The following UGT2B15 variants were observed in gnomAD, a reference collection of about 807,000 sequenced individuals.
UGT2B15 encodes the protein UDP-glucuronosyltransferase 2B15.
Under a neutral mutation model 45.9 loss-of-function variants are expected in UGT2B15, and 36 were observed. The ratio of observed to expected loss-of-function variants is 0.78; its 90% confidence interval spans 0.60 to 1.04. UGT2B15 has a LOEUF of 1.04. Among genes scored for constraint, UGT2B15 ranks in the 50% least tolerant of loss-of-function variants. UGT2B15 has a pLI of 0.00. For missense variants in UGT2B15, 617 were observed against 622.4 expected (o/e 0.99, Z 0.09); for synonymous variants, 219 against 216.4 (o/e 1.01, Z -0.11).
In UGT2B15 at chr4:68,654,321, A is replaced by C. The variant is rs554090791; in HGVS notation, c.1094-65T>G. 8.9e-4 allele frequency: 1,384 copies of C among 1,550,114 alleles called. 8 individuals carry two copies. The highest frequency in any genetic ancestry group is 1.1e-3 in the Non-Finnish European group (1,293 of 1,138,060). Reference sequence around the variant, plus strand: ...GGTATGAGAATTGAATAAGAAATGCACAATATAAGGAACTTAAAGCAAAAC... The same window carrying C: ...GGTATGAGAATTGAATAAGAAATGCCCAATATAAGGAACTTAAAGCAAAAC... On this transcript the variant is annotated intron_variant, in intron 4 of 5. Coordinates refer to ENST00000338206, the MANE Select transcript of UGT2B15 (RefSeq NM_001076.4).
intron 3 of UGT2B15, 29 bp from the exon 4 acceptor site, chr4:68,655,211 A>C: frequency 4.4e-6 from 7 of 1,607,158 alleles, no homozygotes; most frequent in South Asian, 1.1e-5. Context: ...TATCTTGTTC[A>C]ATGAATAGAA....
chr4:68,647,992 C>A (rs1425503737), intron 5 of UGT2B15, among the ~76,000 whole-genome samples: 2 of 151,900 alleles, frequency 1.3e-5, no homozygotes, highest in African/African-American at 2.4e-5. Context: ...AAAGTGTTGG[C>A]CCTACAGACA....
intron 2 of UGT2B15, among the ~76,000 whole-genome samples, chr4:68,665,076 T>C (rs894306559): frequency 1.3e-5 from 2 of 152,152 alleles, no homozygotes; most frequent in African/African-American, 4.8e-5. Context: ...CTGATCTCAT[T>C]CTGTGATGTC....
rs150650497 is a variant in UGT2B15, at chr4:68,654,689, T to C, written c.1093+406A>G. Reference sequence around the variant, plus strand: ...ATTTTATCATGATAAAGATTGGTTATTTATTCCCATAAAAAGTAGAGTCAC... The same window carrying C: ...ATTTTATCATGATAAAGATTGGTTACTTATTCCCATAAAAAGTAGAGTCAC... On this transcript the variant is annotated intron_variant, in intron 4 of 5. Coordinates refer to ENST00000338206, the MANE Select transcript of UGT2B15 (RefSeq NM_001076.4). Among the ~76,000 whole-genome samples the C allele has an allele frequency of 5.8e-3, 879 of 152,146 alleles. 12 individuals carry two copies. The highest frequency in any genetic ancestry group is 0.02 in the African/African-American group (819 of 41,508).
intron 3 of UGT2B15, among the ~76,000 whole-genome samples, chr4:68,662,624 T>C (rs1732999030): frequency 6.6e-6 from 1 of 152,154 alleles, no homozygotes; most frequent in Non-Finnish European, 1.5e-5. Flanking sequence ...AGTAACTTAT[T>C]AAAATTTAAC....
rs569978474 is a variant in UGT2B15 at position 68,657,583 on chromosome 4, T to G, written c.1006-2401A>C. Among the ~76,000 whole-genome samples the G allele has an allele frequency of 2.3e-3, 355 of 152,202 alleles. 4 individuals are homozygous for G. Among genetic ancestry groups the G allele is most frequent in the Middle Eastern group, 3.4e-3 (1 of 294 alleles). On this transcript the variant is annotated intron_variant, in intron 3 of 5. Coordinates refer to ENST00000338206, the MANE Select transcript of UGT2B15 (RefSeq NM_001076.4). ...AAGAAGAATGACCCCCTGATATCACTTGGTAGGTTTTATGACACCTCTACT... is the reference window on the plus strand; with the variant it reads ...AAGAAGAATGACCCCCTGATATCACGTGGTAGGTTTTATGACACCTCTACT...
At chr4:68,661,793 T>A (rs1456899888) in intron 3 of UGT2B15, among the ~76,000 whole-genome samples, 1 of 152,120 alleles carries the variant, frequency 6.6e-6, no homozygotes, top group Non-Finnish European at 1.5e-5. Flanking sequence ...TTGTAAATGC[T>A]AACAATGTAG....
rs188572007 is a variant in UGT2B15 at position 68,663,313 on chromosome 4, G to A, written c.874-174C>T. 5.3e-5 allele frequency among the ~76,000 whole-genome samples: 8 copies of A among 151,780 alleles called. No individual in the cohort carries two copies. In the East Asian group the frequency reaches 1.5e-3, roughly 29 times the overall value. The stretch of plus-strand genomic sequence containing the variant: ...GAGATGTGTAATATAATATATGTGG[G>A]ATCTTTCATGCAAATTTGTGTAAAT... On this transcript the variant is annotated intron_variant, in intron 2 of 5. Coordinates refer to ENST00000338206, the MANE Select transcript of UGT2B15 (RefSeq NM_001076.4).
intron 3 of UGT2B15, 32 bp from the exon 4 acceptor site, chr4:68,655,214 G>A: frequency 6.2e-7 from 1 of 1,603,634 alleles, no homozygotes; most frequent in Non-Finnish European, 8.5e-7. Context: ...CTTGTTCAAT[G>A]AATAGAACTC....
intron 2 of UGT2B15, among the ~76,000 whole-genome samples, chr4:68,666,334 A>G (rs1156400276): frequency 6.6e-6 from 1 of 152,164 alleles, no homozygotes; most frequent in African/African-American, 2.4e-5. Context: ...TGGAAAATCA[A>G]TCACTATTAA....
chr4:68,664,945 G>A (rs987607892), intron 2 of UGT2B15, among the ~76,000 whole-genome samples: 1 of 152,120 alleles, frequency 6.6e-6, no homozygotes, highest in African/African-American at 2.4e-5. Context: ...TGTAATTGCA[G>A]TTGCCTGTAG....
Position 68,647,408 on chromosome 4 carries a change from A to T in UGT2B15, c.1314-25T>A, listed in dbSNP as rs372748983. On this transcript the variant is annotated intron_variant, in intron 5 of 5. Transcript: ENST00000338206. ...GCTGAAGGATAAATATAAAGATATC[A>T]ACATTAAAAGTAAATTTATTGCTTA... is the stretch of plus-strand genomic sequence containing the variant. 5.0e-5 allele frequency: 80 copies of T among 1,592,288 alleles called. No individual in the cohort carries two copies. The African/African-American group carries it at 9.6e-4, about 19-fold the overall frequency.
chr4:68,669,948 C>T lies in UGT2B15; in HGVS notation c.671G>A (p.Trp224Ter). Residue 224 changes from tryptophan (W) to a stop codon, truncating the protein, a stop_gained, in exon 1 of 6, where the codon TGG (tryptophan) becomes TAG (stop). Transcript: ENST00000338206. LOFTEE classifies it high-confidence loss of function. ...NMIHMLYFDFWFQIYDLKKWD... is the reference protein window; with the variant it reads ...NMIHMLYFDF Reference sequence around the variant, plus strand: ...CTTCTTCAGATCATAAATTTGAAACCAAAAGTCAAAATAAAGCATATGTAT... The same window carrying T: ...CTTCTTCAGATCATAAATTTGAAACTAAAAGTCAAAATAAAGCATATGTAT... 6.2e-7 allele frequency: 1 copy of T among 1,612,844 alleles called. No individual in the cohort carries two copies. Among genetic ancestry groups the T allele is most frequent in the Non-Finnish European group, 8.5e-7 (1 of 1,179,738 alleles).
At chr4:68,662,434 C>G (rs577914972) in intron 3 of UGT2B15, among the ~76,000 whole-genome samples, 1 of 149,742 alleles carries the variant, frequency 6.7e-6, no homozygotes, top group East Asian at 2.0e-4. Context: ...GTGGGTACCT[C>G]CAGAGCAGTG....
intron 5 of UGT2B15, among the ~76,000 whole-genome samples, chr4:68,650,813 G>GT (rs2109819701): frequency 6.6e-6 from 1 of 151,986 alleles, no homozygotes; most frequent in Non-Finnish European, 1.5e-5. Context: ...AGGATCTGTT[G>GT]TTTTTTGACT....
chr4:68,655,155 G>A lies in UGT2B15; in HGVS notation c.1033C>T (p.Pro345Ser). The A allele has an allele frequency of 6.2e-7, 1 of 1,613,352 alleles. No individual in the cohort carries two copies. The highest frequency in any genetic ancestry group is 1.1e-5 in the South Asian group (1 of 91,056). The change falls in exon 4 of 6, where the codon CCA becomes TCA. Residue 345 changes from proline to serine, a missense_variant. Pro to Ser is a moderately conservative substitution (Grantham distance 74). Around this residue, in one of 3 missense-constraint regions of UGT2B15, gnomAD observed 265 missense variants for 245.1 expected, o/e 1.08. Transcript: ENST00000338206. ...CGAGTATTGGAACCTAAAGTATTTG[G>A]CTTCTTGCCATCAAATCTCCATAGA... ...KVLWRFDGKK[P>S]NTLGSNTRLY...
At chr4:68,667,103 C>A (rs984679535) in intron 2 of UGT2B15, among the ~76,000 whole-genome samples, 4 of 151,596 alleles carry the variant, frequency 2.6e-5, no homozygotes, top group Non-Finnish European at 5.9e-5. Context: ...TTCCTGGGAA[C>A]TGCCCTTATT....
chr4:68,647,520 G>A (rs2109816105), intron 5 of UGT2B15, 137 bp from the exon 6 acceptor site: 1 of 1,102,496 alleles, frequency 9.1e-7, no homozygotes, highest in Non-Finnish European at 1.2e-6. Context: ...AAATTTCAAT[G>A]TTTTAATTCA....
intron 2 of UGT2B15, among the ~76,000 whole-genome samples, chr4:68,664,280 G>C: frequency 1.3e-5 from 1 of 79,192 alleles, no homozygotes; most frequent in South Asian, 4.4e-4. Context: ...AAAAAAAAAA[G>C]AGAGAGAGAA....
Sources: gnomAD v4.1 joint callset for allele counts (sites outside exome capture counted in the v4.1 genomes callset) on GRCh38, gnomAD v4.1.1 for gene constraint, gnomAD v4.1.1 regional missense constraint, MANE v1.5 for transcripts, NCBI Gene and HGNC (gene_info 2026-07-23, HGNC 2026-07-21) for gene names.